Variants in JKAMP observed in about 807,000 individuals in gnomAD.
The protein encoded by JKAMP is JNK1/MAPK8 associated membrane protein.
In JKAMP, 20 loss-of-function variants were observed where a neutral mutation model predicts 40.2. The ratio of observed to expected loss-of-function variants is 0.50; its 90% CI spans 0.35 to 0.72. JKAMP has a LOEUF of 0.72. Among genes scored for constraint, JKAMP ranks in the 30% least tolerant of loss-of-function variants. The probability of loss-of-function intolerance (pLI) is 0.01; values close to 1 mark genes in which losing one functional copy is unlikely to be tolerated. For synonymous variants in JKAMP, 138 were observed against 131.6 expected (o/e 1.05, Z -0.33); for missense variants, 276 against 373.0 (o/e 0.74, Z 2.14).
intron 3 of JKAMP, among the ~76,000 whole-genome samples, chr14:59,491,988 C>T (rs191471784): frequency 1.1e-4 from 16 of 152,156 alleles, no homozygotes; most frequent in African/African-American, 3.6e-4. Context: ...GACTCTTGCT[C>T]ATTAAAATCT....
intron 3 of JKAMP, 80 bp from the exon 4 acceptor site, chr14:59,494,938 C>A (rs1223534850): frequency 5.1e-6 from 5 of 981,208 alleles, no homozygotes; most frequent in Non-Finnish European, 7.8e-6. Context: ...AAATCTGTAT[C>A]TTGACACATG....
At chr14:59,494,948 G>T (rs751818327) in intron 3 of JKAMP, 70 bp from the exon 4 acceptor site, 4 of 1,055,808 alleles carry the variant, frequency 3.8e-6, no homozygotes, top group Non-Finnish European at 5.8e-6. Flanking sequence ...CTTGACACAT[G>T]TACATGTTTT....
rs754035409 is a variant in JKAMP, at chr14:59,487,737, G to T, written c.160G>T (p.Glu54Ter). Reference protein sequence around the residue: ...KYCQPCTESPELYDWLYLGFM... With the variant: ...KYCQPCTESP ...TTGTCAGCCTTGCACAGAATCTCCT[G>T]AACTTTATGATTGGCTCTATCTTGG... Residue 54 changes from glutamate (E) to a stop codon, truncating the protein, a stop_gained, in exon 3 of 7, where the codon GAA becomes TAA. Coordinates refer to ENST00000616435, the MANE Select transcript of JKAMP (RefSeq NM_016475.5). LOFTEE classifies it high-confidence loss of function. The T allele has an allele frequency of 6.2e-7, 1 of 1,613,310 alleles. No individual in the cohort carries two copies. Among genetic ancestry groups the T allele is most frequent in the Non-Finnish European group, 8.5e-7 (1 of 1,179,394 alleles).
chr14:59,494,121 G>GGTGTGTGTGTGTGTGTGTGTGT (rs55831018), intron 3 of JKAMP, among the ~76,000 whole-genome samples: 1 of 150,964 alleles, frequency 6.6e-6, no homozygotes, highest in African/African-American at 2.4e-5. Flanking sequence ...AGAAAATTTG[G>GGTGTGTGTGTGTGTGTGTGTGT]GTGTGTGTGT....
Position 59,501,259 on chromosome 14 carries a change from G to A in JKAMP, c.709G>A (p.Glu237Lys), listed in dbSNP as rs868700256. 2 of 1,591,768 alleles carry A rather than the reference G, an allele frequency of 1.3e-6. No individual in the cohort carries two copies. The highest frequency in any genetic ancestry group is 1.7e-6 in the Non-Finnish European group (2 of 1,162,558). Reference protein sequence around the residue: ...VTLAVYMSASEIENCYDLLVR... With the variant: ...VTLAVYMSASKIENCYDLLVR... The stretch of plus-strand genomic sequence containing the variant: ...TCTGGCTGTGTACATGTCTGCTTCT[G>A]AAATAGAGGTAGGAAGTCTTTTTTT... The change falls in exon 6 of 7, where the codon GAA (glutamate) becomes AAA (lysine). Residue 237 changes from glutamate (E) to lysine (K), a missense_variant. By Grantham distance (56) the Glu-to-Lys change is moderately conservative. Transcript: ENST00000616435.
Position 59,491,807 on chromosome 14 carries a change from G to C in JKAMP, c.252-3211G>C, listed in dbSNP as rs141434347. 2.6e-5 allele frequency among the ~76,000 whole-genome samples: 4 copies of C among 152,328 alleles called. No individual in the cohort carries two copies. The East Asian group carries it at 7.7e-4, about 29-fold the overall frequency. On this transcript the variant is annotated intron_variant, in intron 3 of 6. Transcript: ENST00000616435. The stretch of plus-strand genomic sequence containing the variant: ...CAGTTGGGATGAGAGGGTTGTCTGA[G>C]GTCAATTGCTGGTAGCAGCAGTGTT...
chr14:59,486,591 T>C (rs1696674196), intron 1 of JKAMP, 122 bp from the exon 2 acceptor site: 5 of 675,858 alleles, frequency 7.4e-6, no homozygotes, highest in African/African-American at 5.5e-5. Flanking sequence ...TCAAGACTTT[T>C]GTCTAATACA....
intron 4 of JKAMP, among the ~76,000 whole-genome samples, chr14:59,497,821 T>A (rs1891563674): frequency 6.6e-6 from 1 of 152,180 alleles, no homozygotes; most frequent in African/African-American, 2.4e-5. Flanking sequence ...TATGGTATCA[T>A]GATGCTGTGT....
chr14:59,500,983 C>T (rs1490505582), intron 5 of JKAMP: 1 of 497,538 alleles, frequency 2.0e-6, no homozygotes, highest in Non-Finnish European at 3.5e-6. Flanking sequence ...GTAATCGAGA[C>T]AGAGAAATGC....
rs1486452695 is a variant in JKAMP at position 59,504,604 on chromosome 14, G to T, written c.*532G>T. Reference sequence around the variant, plus strand: ...AGTATTTTGATGTATTGCAAAAATAGATAATAATTTATATAACAGGTTTTC... The same window carrying T: ...AGTATTTTGATGTATTGCAAAAATATATAATAATTTATATAACAGGTTTTC... On this transcript the variant is annotated 3_prime_UTR_variant, in exon 7 of 7. Coordinates refer to ENST00000616435, the MANE Select transcript of JKAMP (RefSeq NM_016475.5). 6.6e-6 allele frequency: 1 copy of T among 152,588 alleles called. No individual in the cohort carries two copies. Among genetic ancestry groups the T allele is most frequent in the African/African-American group, 2.4e-5 (1 of 41,328 alleles). 9.5% of individuals were successfully genotyped at this position (152,588 alleles called of 1,614,324 possible).
chr14:59,496,139 T>TG (rs1891428198), intron 4 of JKAMP, among the ~76,000 whole-genome samples: 1 of 152,108 alleles, frequency 6.6e-6, no homozygotes, highest in Non-Finnish European at 1.5e-5. Context: ...CTCCTGGCCT[T>TG]AAGTGATCTA....
At position 59,484,778 on chromosome 14, in the gene JKAMP, G is replaced by C. The variant is rs570026945; in HGVS notation, c.4+185G>C. 54 of 906,208 alleles carry C rather than the reference G, an allele frequency of 6.0e-5. No individual in the cohort carries two copies. In the East Asian group the frequency reaches 7.7e-4, roughly 13 times the overall value. 56.1% of individuals were successfully genotyped at this position (906,208 alleles called of 1,614,324 possible). ...GGGGTTGGGGTGGTCTGTCCGCAAC[G>C]GGCTACTAGGGGAGGCGCGCTGTCT... is the stretch of plus-strand genomic sequence containing the variant. On this transcript the variant is annotated intron_variant, in intron 1 of 6. Coordinates refer to ENST00000616435, the MANE Select transcript of JKAMP (RefSeq NM_016475.5).
intron 3 of JKAMP, among the ~76,000 whole-genome samples, chr14:59,491,417 G>A (rs750351963): frequency 6.6e-6 from 1 of 152,206 alleles, no homozygotes; most frequent in Non-Finnish European, 1.5e-5. Context: ...GGTTGAAAGA[G>A]AACATGACAA....
At chr14:59,484,733 G>T in intron 1 of JKAMP, 140 bp downstream of exon 1, 1 of 1,130,724 alleles carries the variant, frequency 8.8e-7, no homozygotes, top group Non-Finnish European at 1.3e-6. Flanking sequence ...CCGCCCTCGG[G>T]CCGGGCTCCG....
intron 3 of JKAMP, among the ~76,000 whole-genome samples, chr14:59,489,451 C>T (rs1216438361): frequency 6.6e-6 from 1 of 152,162 alleles, no homozygotes; most frequent in Admixed American, 6.5e-5. Flanking sequence ...CATGTGAGAC[C>T]TCATCAGCCT....
chr14:59,503,756 A>T lies in JKAMP; in HGVS notation c.718-98A>T, dbSNP rs185943190. ...TCAAACATTTTATGATTCTGAGATT[A>T]TAAATAATACATTTTATATTAAGTT... On this transcript the variant is annotated intron_variant, in intron 6 of 6. Coordinates refer to ENST00000616435, the MANE Select transcript of JKAMP (RefSeq NM_016475.5). 6.9e-6 allele frequency: 5 copies of T among 722,332 alleles called. No homozygotes were observed. The East Asian group carries it at 1.1e-4, about 16-fold the overall frequency. The allele number at this position is 722,332 out of a possible 1,614,324, so 44.7% of individuals were successfully genotyped here. A position where few individuals can be genotyped will look rare whatever the true frequency, so the allele number is the denominator to read the frequency against.
chr14:59,498,717 T>C lies in JKAMP; in HGVS notation c.459-10T>C. On this transcript the variant is annotated splice_polypyrimidine_tract_variant and intron_variant, in intron 4 of 6. Coordinates refer to ENST00000616435, the MANE Select transcript of JKAMP (RefSeq NM_016475.5). ...TTTTGATGTTACAAATTCTTTATTT[T>C]ATTTTACAGATATACCATTGTATTT... The C allele has an allele frequency of 7.3e-7, 1 of 1,369,046 alleles. No homozygotes were observed. The highest frequency in any genetic ancestry group is 1.0e-6 in the Non-Finnish European group (1 of 995,046). 84.8% of individuals were successfully genotyped at this position (1,369,046 alleles called of 1,614,324 possible).
chr14:59,488,807 A>G (rs1229596692), intron 3 of JKAMP, among the ~76,000 whole-genome samples: 2 of 152,218 alleles, frequency 1.3e-5, no homozygotes, highest in Non-Finnish European at 2.9e-5. Context: ...TCTGACTGCA[A>G]CTTGTTACCT....
At chr14:59,494,234 A>T (rs1012428181) in intron 3 of JKAMP, among the ~76,000 whole-genome samples, 3 of 151,274 alleles carry the variant, frequency 2.0e-5, no homozygotes, top group African/African-American at 7.3e-5. Context: ...TAAAATTTAG[A>T]ACATGTTTAT....
Sources: allele counts gnomAD v4.1 joint callset (sites outside exome capture counted in the v4.1 genomes callset), GRCh38; gene constraint gnomAD v4.1.1; transcripts MANE v1.5; gene names NCBI Gene and HGNC (gene_info 2026-07-23, HGNC 2026-07-21).